Variants in NSMCE4A observed in about 807,000 individuals in gnomAD.
NSMCE4A encodes non-structural maintenance of chromosomes element 4 homolog A.
In NSMCE4A, 40 loss-of-function variants were observed where a neutral mutation model predicts 47.9. The ratio of observed to expected loss-of-function variants is 0.83; its 90% CI spans 0.65 to 1.09. The LOEUF (loss-of-function observed/expected upper bound fraction) is 1.09. NSMCE4A is among the 50% of genes least tolerant of loss of function. The pLI is 0.00. For synonymous variants in NSMCE4A, 166 were observed against 178.5 expected, an observed-to-expected ratio of 0.93 and a Z score of 0.56; for missense variants, 500 against 507.0, an observed-to-expected ratio of 0.99 and a Z score of 0.13.
chr10:121,964,202 G>C (rs1371875799), intron 5 of NSMCE4A, among the ~76,000 whole-genome samples: 3 of 144,464 alleles, frequency 2.1e-5, no homozygotes, highest in Non-Finnish European at 4.5e-5. Context: ...GAGTGCAGTG[G>C]TGCCATCTCG....
rs572469878 is a variant in NSMCE4A, at chr10:121,975,155, T to C, written c.11A>G (p.Asp4Gly). ...GCCCTCTGGCCCGCGGCCGCTGCTG[T>C]CCCCAGACATAGCGCCAATTCACCG... MSG[D>G]SSGRGPEGRG... The change falls in exon 1 of 11, where the codon GAC becomes GGC. Residue 4 changes from aspartate (D) to glycine (G), a missense_variant. Asp to Gly is a moderately conservative substitution (Grantham distance 94). Transcript: ENST00000369023. 4.5e-4 allele frequency: 619 copies of C among 1,390,844 alleles called. 1 individual carries two copies. In the Middle Eastern group the frequency reaches 5.3e-3, roughly 12 times the overall value. 86.2% of individuals were successfully genotyped at this position (1,390,844 alleles called of 1,614,324 possible).
intron 5 of NSMCE4A, 95 bp from the exon 6 acceptor site, chr10:121,963,423 G>A: frequency 1.5e-6 from 1 of 678,088 alleles, no homozygotes; most frequent in South Asian, 1.8e-5. Context: ...CTTCTCTCTT[G>A]CACACCCGAA....
chr10:121,967,953 G>A, intron 3 of NSMCE4A, 147 bp from the exon 4 acceptor site: 2 of 751,332 alleles, frequency 2.7e-6, no homozygotes, highest in Non-Finnish European at 4.2e-6. Flanking sequence ...TTCTTACTGT[G>A]AAGATAACTT....
chr10:121,959,594 C>T lies in NSMCE4A; in HGVS notation c.990G>A (p.Glu330=). The change falls in exon 9 of 11, where the codon GAG becomes GAA. Residue 330 remains glutamate, a splice_region_variant and synonymous_variant. Coordinates refer to ENST00000369023, the MANE Select transcript of NSMCE4A (RefSeq NM_017615.3). ...RLDQDRLPVI[E]PVSINEENEG... ...CATTTTCTTCATTAATACTAACAGG[C>T]TCTGTTTGAAAGACAAATTTTTCAA... 1 of 1,611,316 alleles carries T rather than the reference C, an allele frequency of 6.2e-7. No homozygotes were observed. Among genetic ancestry groups the T allele is most frequent in the South Asian group, 1.1e-5 (1 of 90,834 alleles).
rs373749968 is a variant in NSMCE4A at position 121,961,630 on chromosome 10, GC to G, written c.845-114del. 512 of 629,888 alleles carry G rather than the reference GC, an allele frequency of 8.1e-4. 3 individuals carry two copies. The African/African-American group carries it at 9.3e-3, about 11-fold the overall frequency. The allele number at this position is 629,888 out of a possible 1,614,324, so 39.0% of individuals were successfully genotyped here. A position where few individuals can be genotyped will look rare whatever the true frequency, so the allele number is the denominator to read the frequency against. On this transcript the variant is annotated intron_variant, in intron 6 of 10. Coordinates refer to ENST00000369023, the MANE Select transcript of NSMCE4A (RefSeq NM_017615.3). ...GTGTACTCATTCCTGCTGCAGGAGT[GC>G]AAATCAATCCAACCCTTCTGGAGGC...
At chr10:121,971,644 T>TTTAA (rs1952714954) in intron 2 of NSMCE4A, among the ~76,000 whole-genome samples, 1 of 152,226 alleles carries the variant, frequency 6.6e-6, no homozygotes, top group African/African-American at 2.4e-5. Context: ...ATCTCTTAAA[T>TTTAA]AACTCCAGTT....
At chr10:121,959,435 G>A (rs537789248) in intron 9 of NSMCE4A, 25 bp from the exon 10 acceptor site, 3 of 1,613,678 alleles carry the variant, frequency 1.9e-6, no homozygotes, top group African/African-American at 1.3e-5. Flanking sequence ...TGAACATTTA[G>A]GCACTGGGCT....
chr10:121,974,956 C>T lies in NSMCE4A; in HGVS notation c.210G>A (p.Pro70=), dbSNP rs758211515. 6.5e-6 allele frequency: 10 copies of T among 1,532,810 alleles called. No homozygotes were observed. Among genetic ancestry groups the T allele is most frequent in the Non-Finnish European group, 8.8e-6 (10 of 1,142,098 alleles). 95.0% of individuals were successfully genotyped at this position (1,532,810 alleles called of 1,614,324 possible). A position where few individuals can be genotyped will look rare whatever the true frequency, so the allele number is the denominator to read the frequency against. ...PSDSGDEMMD[P]ASLEAEADQG... is the part of the protein sequence containing the mutation. ...GGTCGGCCTCCGCCTCCAAGCTGGC[C>T]GGGTCCATCATCTCGTCCCCGGAAT... is the stretch of plus-strand genomic sequence containing the variant. The change falls in exon 1 of 11, where the codon CCG becomes CCA. Residue 70 remains proline (P), a synonymous_variant. Transcript: ENST00000369023.
At chr10:121,973,950 A>C in intron 2 of NSMCE4A, 54 bp downstream of exon 2, 1 of 1,239,784 alleles carries the variant, frequency 8.1e-7, no homozygotes, top group Non-Finnish European at 1.2e-6. Flanking sequence ...CGCTTATGTA[A>C]CACTAATTAA....
intron 2 of NSMCE4A, among the ~76,000 whole-genome samples, chr10:121,973,253 AAAG>A (rs1225683083): frequency 2.7e-5 from 4 of 146,564 alleles, no homozygotes; most frequent in Non-Finnish European, 6.1e-5. Flanking sequence ...AAAAAAAAAA[AAAG>A]GATATATTTG....
At chr10:121,964,483 G>A (rs527590090) in intron 5 of NSMCE4A, among the ~76,000 whole-genome samples, 43 of 149,082 alleles carry the variant, frequency 2.9e-4, no homozygotes, top group Non-Finnish European at 5.8e-4. Context: ...TCGCTCTGTC[G>A]CCCAGGCTGG....
intron 6 of NSMCE4A, among the ~76,000 whole-genome samples, chr10:121,962,496 G>C (rs928378814): frequency 6.6e-6 from 1 of 151,936 alleles, no homozygotes; most frequent in African/African-American, 2.4e-5. Context: ...CATATAATGG[G>C]AATCAGTGAA....
intron 1 of NSMCE4A, 178 bp downstream of exon 1, chr10:121,974,696 G>A (rs1223991008): frequency 1.6e-5 from 18 of 1,118,378 alleles, no homozygotes; most frequent in Non-Finnish European, 2.0e-5. Context: ...CAGCCACAAA[G>A]TGGGAGCACT....
At chr10:121,959,802 C>T (rs1344279322) in intron 8 of NSMCE4A, 7 of 581,850 alleles carry the variant, frequency 1.2e-5, no homozygotes, top group Non-Finnish European at 2.1e-5. Flanking sequence ...TTTCAAAAAA[C>T]ATGTAGTAGA....
Position 121,975,099 on chromosome 10 carries a change from G to C in NSMCE4A, c.67C>G (p.Arg23Gly), listed in dbSNP as rs1952793043. Residue 23 changes from arginine (R) to glycine (G), a missense_variant, in exon 1 of 11, where the codon CGC becomes GGC. Coordinates refer to ENST00000369023, the MANE Select transcript of NSMCE4A (RefSeq NM_017615.3). ...RGRGRDPHRD[R>G]TRSRSRSRSP... ...CGCGAGCGGGAGCGGGAGCGGGTGC[G>C]ATCCCGATGCGGGTCGCGGCCCCGG... 1 of 1,437,152 alleles carries C rather than the reference G, an allele frequency of 7.0e-7. No individual in the cohort carries two copies. Among genetic ancestry groups the C allele is most frequent in the Admixed American group, 3.2e-5 (1 of 31,256 alleles). The allele number at this position is 1,437,152 out of a possible 1,614,324, so 89.0% of individuals were successfully genotyped here.
intron 6 of NSMCE4A, 165 bp from the exon 7 acceptor site, chr10:121,961,682 T>C (rs1209923066): frequency 6.0e-6 from 3 of 503,674 alleles, no homozygotes; most frequent in African/African-American, 2.0e-5. Flanking sequence ...ACTAAAAACA[T>C]GTATGCCCAC....
At chr10:121,971,857 C>G (rs923957940) in intron 2 of NSMCE4A, among the ~76,000 whole-genome samples, 1 of 152,208 alleles carries the variant, frequency 6.6e-6, no homozygotes, top group Non-Finnish European at 1.5e-5. Flanking sequence ...ATGTGCTAGG[C>G]TGGCACTAGG....
chr10:121,967,744 A>C lies in NSMCE4A; in HGVS notation c.564T>G (p.Pro188=), dbSNP rs781669809. 6 of 1,614,202 alleles carry C rather than the reference A, an allele frequency of 3.7e-6. No individual in the cohort carries two copies. Residue 188 remains proline (P), a synonymous_variant, in exon 4 of 11, where the codon CCT becomes CCG. Transcript: ENST00000369023. The part of the protein sequence containing the change: ...AEELIRDEDS[P]DFEFIVYDSW... ...AGTCATAGACTATGAATTCAAAATC[A>C]GGACTATCTTCATCACGGATGAGTT...
chr10:121,964,112 T>TA lies in NSMCE4A; in HGVS notation c.754-785dup, dbSNP rs1293145151. ...CTCTGTCTCAAAAAAAATTATGGTTTAAAAAAAAACAGATTTTCTGGTTTC... is the reference window on the plus strand; with the variant it reads ...CTCTGTCTCAAAAAAAATTATGGTTTAAAAAAAAAACAGATTTTCTGGTTTC... On this transcript the variant is annotated intron_variant, in intron 5 of 10. Transcript: ENST00000369023. Among the ~76,000 whole-genome samples, 321 of 141,606 alleles carry TA rather than the reference T, an allele frequency of 2.3e-3. 4 individuals carry two copies. The highest frequency in any genetic ancestry group is 0.019 in the East Asian group (90 of 4,762). The allele number at this position is 141,606 out of a possible 152,430, so 92.9% of individuals were successfully genotyped here.
Sources: gnomAD v4.1 joint callset for allele counts (sites outside exome capture counted in the v4.1 genomes callset) on GRCh38, gnomAD v4.1.1 for gene constraint, MANE v1.5 for transcripts, NCBI Gene and HGNC (gene_info 2026-07-23, HGNC 2026-07-21) for gene names.